CEP170B: variants seen among roughly 807,000 people sequenced by gnomAD.
The protein encoded by CEP170B is centrosomal protein 170B.
Under a neutral mutation model 120.6 loss-of-function variants are expected in CEP170B, and 55 were observed. That is an observed-to-expected ratio of 0.46 (90% CI 0.37 to 0.57). The LOEUF is 0.57. CEP170B is among the 20% of genes least tolerant of loss of function. The pLI is 0.00. For synonymous variants in CEP170B, 1,033 were observed against 954.5 expected (o/e 1.08, Z -1.52); for missense variants, 2,212 against 2,253.3 (o/e 0.98, Z 0.37).
Position 104,887,022 on chromosome 14 carries a change from T to C in CEP170B, c.2783T>C (p.Leu928Pro). 1 of 1,610,886 alleles carries C rather than the reference T, an allele frequency of 6.2e-7. No homozygotes were observed. The highest frequency in any genetic ancestry group is 1.1e-5 in the South Asian group (1 of 91,088). The change falls in exon 12 of 19, where the codon CTC (leucine) becomes CCC (proline). Residue 928 changes from leucine to proline, a missense_variant. This residue lies in a region of CEP170B where 2,166 missense variants were observed against 2,166.7 expected (regional missense o/e 1.00). Transcript: ENST00000414716. ...ETALAALEAR[L>P]LSNSVDAECE... ...GCCCTGGCGGCCCTGGAGGCCCGACTCCTCTCTAATTCTGTGGATGCCGAG... is the reference window on the plus strand; with the variant it reads ...GCCCTGGCGGCCCTGGAGGCCCGACCCCTCTCTAATTCTGTGGATGCCGAG...
intron 13 of CEP170B, among the ~76,000 whole-genome samples, chr14:104,892,281 G>C (rs1375359531): frequency 6.6e-6 from 1 of 152,140 alleles, no homozygotes; most frequent in Non-Finnish European, 1.5e-5. Flanking sequence ...GGCCCGGCAG[G>C]CCCCTGTCCT....
In CEP170B at chr14:104,867,226, C is replaced by T. The variant is rs146067218; in HGVS notation, c.-27-1198C>T. ...TATGTGAGGCCCTCCATCCCTCTGC[C>T]CTGTCCCTCTGCCCTGGTGGCACCA... is the stretch of plus-strand genomic sequence containing the variant. On this transcript the variant is annotated intron_variant, in intron 1 of 18. Transcript: ENST00000414716. The surrounding 1 kb of genome is among the most constrained non-coding windows in gnomAD (Gnocchi z 5.4). Among the ~76,000 whole-genome samples, 509 of 152,230 alleles carry T rather than the reference C, an allele frequency of 3.3e-3. 3 individuals are homozygous for T. Among genetic ancestry groups the T allele is most frequent in the African/African-American group, 0.011 (477 of 41,522 alleles).
rs1452280048 is a variant in CEP170B, at chr14:104,877,819, C to T, written c.196-66C>T. ...CCACCTGCTCAGCCCCACCACCCTGCGGCCCTGCCCACAGCCACCCACCCG... is the reference window on the plus strand; with the variant it reads ...CCACCTGCTCAGCCCCACCACCCTGTGGCCCTGCCCACAGCCACCCACCCG... On this transcript the variant is annotated intron_variant, in intron 3 of 18. Transcript: ENST00000414716. 12 of 613,684 alleles carry T rather than the reference C, an allele frequency of 2.0e-5. No homozygotes were observed. The East Asian group carries it at 4.6e-4, about 23-fold the overall frequency. The allele number at this position is 613,684 out of a possible 1,614,324, so 38.0% of individuals were successfully genotyped here. A position where few individuals can be genotyped will look rare whatever the true frequency, so the allele number is the denominator to read the frequency against.
Position 104,865,631 on chromosome 14 carries a change from G to T in CEP170B, c.-28+118G>T, listed in dbSNP as rs933783238. ...GCCGAGGCCGGACAAAGGCGCGGGG[G>T]TTGGGGGCCGCCCGGCGCACCTGGT... On this transcript the variant is annotated intron_variant, in intron 1 of 18. Coordinates refer to ENST00000414716, the MANE Select transcript of CEP170B (RefSeq NM_001112726.3). This position sits in a 1 kb window ranked among gnomAD's most constrained non-coding sequence, Gnocchi z 6.7. 1 of 151,508 alleles carries T rather than the reference G, an allele frequency of 6.6e-6. No homozygotes were observed. Among genetic ancestry groups the T allele is most frequent in the Non-Finnish European group, 1.5e-5 (1 of 67,862 alleles). 9.4% of individuals were successfully genotyped at this position (151,508 alleles called of 1,614,324 possible).
intron 16 of CEP170B, 105 bp from the exon 17 acceptor site, chr14:104,894,180 C>T: frequency 1.1e-6 from 1 of 916,346 alleles, no homozygotes; most frequent in Admixed American, 1.9e-5. Context: ...CCCAGGTGGG[C>T]TGGGATGAAC....
chr14:104,883,372 C>T lies in CEP170B; in HGVS notation c.915C>T (p.Gly305=), dbSNP rs755030132. 1.1e-5 allele frequency: 17 copies of T among 1,607,376 alleles called. No individual in the cohort carries two copies. Among genetic ancestry groups the T allele is most frequent in the East Asian group, 9.0e-5 (4 of 44,600 alleles). ...RRPPGKEATP[G]EMVSAETKVA... ...CCCCGGGCAAGGAGGCCACACCTGGCGAGATGGTGTCGGCTGAGACCAAGG... is the reference window on the plus strand; with the variant it reads ...CCCCGGGCAAGGAGGCCACACCTGGTGAGATGGTGTCGGCTGAGACCAAGG... Residue 305 remains glycine, a synonymous_variant, in exon 8 of 19, where the codon GGC becomes GGT. Coordinates refer to ENST00000414716, the MANE Select transcript of CEP170B (RefSeq NM_001112726.3).
chr14:104,864,984 A>G (rs1595299410), upstream of CEP170B, among the ~76,000 whole-genome samples: 1 of 132,914 alleles, frequency 7.5e-6, no homozygotes, highest in African/African-American at 2.8e-5. This position sits in a 1 kb window ranked among gnomAD's most constrained non-coding sequence, Gnocchi z 5.9. Context: ...CCGAGACGGG[A>G]GGGCATGGGG....
At chr14:104,875,339 G>A (rs567640382) in intron 2 of CEP170B, among the ~76,000 whole-genome samples, 11 of 152,316 alleles carry the variant, frequency 7.2e-5, no homozygotes, top group Admixed American at 1.3e-4. Flanking sequence ...AGGTGGTGGC[G>A]AGGGTCACAC....
At chr14:104,884,593 G>GTGGAGGTGATGCCGGGGGT (rs1896355219) in intron 9 of CEP170B, 44 bp downstream of exon 9, 1 of 1,465,588 alleles carries the variant, frequency 6.8e-7, no homozygotes, top group Admixed American at 2.1e-5. Context: ...GGAACGGGGG[G>GTGGAGGTGATGCCGGGGGT]GTGGAGGCGA....
In CEP170B at chr14:104,868,597, C is replaced by T. The variant is rs771693991; in HGVS notation, c.105+42C>T. The T allele has an allele frequency of 5.9e-6, 9 of 1,522,752 alleles. No individual in the cohort carries two copies. Among genetic ancestry groups the T allele is most frequent in the Non-Finnish European group, 8.0e-6 (9 of 1,128,398 alleles). 94.3% of individuals were successfully genotyped at this position (1,522,752 alleles called of 1,614,324 possible). A position where few individuals can be genotyped will look rare whatever the true frequency, so the allele number is the denominator to read the frequency against. On this transcript the variant is annotated intron_variant, in intron 2 of 18. Coordinates refer to ENST00000414716, the MANE Select transcript of CEP170B (RefSeq NM_001112726.3). The surrounding 1 kb of genome is among the most constrained non-coding windows in gnomAD (Gnocchi z 5.9). Reference sequence around the variant, plus strand: ...TGGGGCCAGGAGGGTAGGGGGTAGACAGTCTGTCCCTGTGGAGGCCAGGAA... The same window carrying T: ...TGGGGCCAGGAGGGTAGGGGGTAGATAGTCTGTCCCTGTGGAGGCCAGGAA...
Position 104,894,517 on chromosome 14 carries a change from C to T in CEP170B, c.4366-20C>T, listed in dbSNP as rs375778120. The T allele has an allele frequency of 2.5e-6, 4 of 1,608,700 alleles. No individual in the cohort carries two copies. The highest frequency in any genetic ancestry group is 2.5e-6 in the Non-Finnish European group (3 of 1,177,332). On this transcript the variant is annotated intron_variant, in intron 17 of 18. Coordinates refer to ENST00000414716, the MANE Select transcript of CEP170B (RefSeq NM_001112726.3). ...GCCCGTCAGAAGTTGACTCCACCTC[C>T]CTTCCTGCCACGTTTCCAGGAAATC...
intron 14 of CEP170B, 85 bp downstream of exon 14, chr14:104,893,220 T>G: frequency 1.4e-6 from 2 of 1,417,490 alleles, no homozygotes; most frequent in Non-Finnish European, 1.9e-6. Flanking sequence ...TTTGCATGCC[T>G]CGGCTGAGGC....
rs539615098 is a variant in CEP170B at position 104,877,861 on chromosome 14, C to A, written c.196-24C>A. 6.0e-5 allele frequency: 71 copies of A among 1,175,912 alleles called. 2 individuals are homozygous for A. In the East Asian group the frequency reaches 6.9e-4, roughly 11 times the overall value. 72.8% of individuals were successfully genotyped at this position (1,175,912 alleles called of 1,614,324 possible). Reference sequence around the variant, plus strand: ...ACCCACCCGCGCAGCTCCCCCCCCCCCCCCGCCACCTGTTTTCCTGCAGAC... The same window carrying A: ...ACCCACCCGCGCAGCTCCCCCCCCCACCCCGCCACCTGTTTTCCTGCAGAC... On this transcript the variant is annotated intron_variant, in intron 3 of 18. Transcript: ENST00000414716.
At chr14:104,888,555 G>A (rs1363728431) in intron 12 of CEP170B, among the ~76,000 whole-genome samples, 2 of 152,262 alleles carry the variant, frequency 1.3e-5, no homozygotes, top group African/African-American at 2.4e-5. Flanking sequence ...CAGCAAGCGG[G>A]GATGGTCCTC....
At chr14:104,893,878 G>A (rs773725381) in intron 16 of CEP170B, 29 bp downstream of exon 16, 29 of 1,585,818 alleles carry the variant, frequency 1.8e-5, no homozygotes, top group South Asian at 7.9e-5. Flanking sequence ...TGAGGTGGAC[G>A]CCCAGACACC....
At chr14:104,878,862 A>C (rs1895998054) in intron 5 of CEP170B, among the ~76,000 whole-genome samples, 1 of 152,214 alleles carries the variant, frequency 6.6e-6, no homozygotes, top group African/African-American at 2.4e-5. Flanking sequence ...ATCGCTGGGC[A>C]CTGGCGGATT....
At position 104,872,434 on chromosome 14, in the gene CEP170B, TGC is replaced by T. The variant is rs1895604884; in HGVS notation, c.106-3820_106-3819del. Among the ~76,000 whole-genome samples the T allele has an allele frequency of 3.9e-5, 2 of 51,360 alleles. 1 individual carries two copies. Among genetic ancestry groups the T allele is most frequent in the African/African-American group, 8.4e-5 (2 of 23,702 alleles). The allele number at this position is 51,360 out of a possible 152,430, so 33.7% of individuals were successfully genotyped here. On this transcript the variant is annotated intron_variant, in intron 2 of 18. Coordinates refer to ENST00000414716, the MANE Select transcript of CEP170B (RefSeq NM_001112726.3). ...GTGCCGTGGGTGTGCCGTGCGTGTG[TGC>T]GTGTGTGTGCCATGTGTGTGCGTGT...
At chr14:104,875,769 G>A (rs962897352) in intron 2 of CEP170B, among the ~76,000 whole-genome samples, 5 of 151,650 alleles carry the variant, frequency 3.3e-5, no homozygotes, top group African/African-American at 9.8e-5. Flanking sequence ...CCTGTCCTCC[G>A]GGGGGGTGGT....
In CEP170B at chr14:104,884,074, C is replaced by A. The variant is rs1472788623; in HGVS notation, c.1295C>A (p.Ala432Asp). 1 of 1,601,788 alleles carries A rather than the reference C, an allele frequency of 6.2e-7. No homozygotes were observed. Among genetic ancestry groups the A allele is most frequent in the Non-Finnish European group, 8.5e-7 (1 of 1,174,484 alleles). The change falls in exon 9 of 19, where the codon GCC becomes GAC. Residue 432 changes from alanine to aspartate, a missense_variant. Ala to Asp is a moderately radical substitution (Grantham distance 126). This residue lies in a region of CEP170B where 2,166 missense variants were observed against 2,166.7 expected (regional missense o/e 1.00). Transcript: ENST00000414716. ...FTHSPSGDPK[A>D]DKRRGPTPAD... ...CACAGCCCGTCCGGGGACCCCAAGGCCGACAAGCGCCGTGGCCCAACGCCG... is the reference window on the plus strand; with the variant it reads ...CACAGCCCGTCCGGGGACCCCAAGGACGACAAGCGCCGTGGCCCAACGCCG...
Sources: gnomAD v4.1 joint callset for allele counts (sites outside exome capture counted in the v4.1 genomes callset) on GRCh38, gnomAD v4.1.1 for gene constraint, gnomAD v4.1.1 regional missense constraint, Gnocchi (gnomAD v3.1) non-coding constraint, MANE v1.5 for transcripts, NCBI Gene and HGNC (gene_info 2026-07-23, HGNC 2026-07-21) for gene names.